Variants in PRKCE observed in about 807,000 individuals in gnomAD.
PRKCE encodes the protein protein kinase C epsilon.
In PRKCE, 16 loss-of-function variants were observed where a neutral mutation model predicts 85.4. The ratio of observed to expected loss-of-function variants is 0.19; its 90% CI spans 0.13 to 0.28. The LOEUF is 0.28. Among genes scored for constraint, PRKCE ranks in the 10% least tolerant of loss-of-function variants. The pLI, the probability that PRKCE is intolerant of heterozygous loss-of-function variation, is 1.00. For missense variants in PRKCE, 573 were observed against 975.2 expected, an observed-to-expected ratio of 0.59 and a Z score of 5.49; for synonymous variants, 388 against 371.5, an observed-to-expected ratio of 1.04 and a Z score of -0.51.
chr2:46,019,904 C>A (rs1706500329), intron 10 of PRKCE, among the ~76,000 whole-genome samples: 1 of 133,820 alleles, frequency 7.5e-6, no homozygotes, highest in Non-Finnish European at 1.5e-5. Context: ...TGCTGGAGTG[C>A]AACGGCGCAA....
chr2:46,053,983 C>G (rs1666321041), intron 10 of PRKCE, among the ~76,000 whole-genome samples: 1 of 152,200 alleles, frequency 6.6e-6, no homozygotes, highest in Non-Finnish European at 1.5e-5. Flanking sequence ...TTCCTACCAA[C>G]AAAAACAGCT....
intron 1 of PRKCE, among the ~76,000 whole-genome samples, chr2:45,835,825 C>T (rs925096690): frequency 6.6e-6 from 1 of 152,042 alleles, no homozygotes; most frequent in African/African-American, 2.4e-5. Flanking sequence ...GAACTCCTGG[C>T]TTGAAGCGAT....
In PRKCE at chr2:45,994,851, G is replaced by C. The variant is rs112692673; in HGVS notation, c.824-6553G>C. ...GGTAATGGTATATTTAGTTTTGTAA[G>C]AAACTGCCAAACTGTCTCTCAAAGT... On this transcript the variant is annotated intron_variant, in intron 6 of 14. Transcript: ENST00000306156. 3.4e-3 allele frequency among the ~76,000 whole-genome samples: 518 copies of C among 152,270 alleles called. 2 individuals carry two copies. The highest frequency in any genetic ancestry group is 0.011 in the African/African-American group (457 of 41,554).
intron 2 of PRKCE, among the ~76,000 whole-genome samples, chr2:45,967,489 C>T (rs1339070365): frequency 1.3e-5 from 2 of 152,118 alleles, no homozygotes; most frequent in African/African-American, 2.4e-5. Context: ...ACCACCCTTG[C>T]GAAGCCTGGT....
Position 45,958,441 on chromosome 2 carries a change from A to G in PRKCE, c.413-17988A>G, listed in dbSNP as rs1333963690. On this transcript the variant is annotated intron_variant, in intron 2 of 14. Coordinates refer to ENST00000306156, the MANE Select transcript of PRKCE (RefSeq NM_005400.3). Reference sequence around the variant, plus strand: ...GGAGAATGGCATGAAACCGGGAGGCAGAGCTTGCAGTGAGCTGAGATCGCA... The same window carrying G: ...GGAGAATGGCATGAAACCGGGAGGCGGAGCTTGCAGTGAGCTGAGATCGCA... Among the ~76,000 whole-genome samples the G allele has an allele frequency of 3.3e-5, 5 of 150,594 alleles. No individual in the cohort carries two copies. The South Asian group carries it at 6.4e-4, about 19-fold the overall frequency.
At chr2:45,849,933 G>T (rs1428403543) in intron 2 of PRKCE, among the ~76,000 whole-genome samples, 1 of 152,114 alleles carries the variant, frequency 6.6e-6, no homozygotes, top group Non-Finnish European at 1.5e-5. Context: ...GAGACCAAGG[G>T]GATCAGCTGG....
intron 1 of PRKCE, chr2:45,677,989 T>C (rs878941488): frequency 1.3e-6 from 1 of 761,728 alleles, no homozygotes; most frequent in Non-Finnish European, 1.6e-6. Flanking sequence ...TGATTTTACA[T>C]GGAGCTGAGG....
intron 1 of PRKCE, among the ~76,000 whole-genome samples, chr2:45,673,267 A>G (rs1031937497): frequency 2.6e-5 from 4 of 152,240 alleles, no homozygotes; most frequent in African/African-American, 9.6e-5. Context: ...GTTCCAAACA[A>G]TATAAGAAGT....
At chr2:45,716,950 C>T (rs1022827396) in intron 1 of PRKCE, among the ~76,000 whole-genome samples, 3 of 152,198 alleles carry the variant, frequency 2.0e-5, no homozygotes, top group Non-Finnish European at 4.4e-5. Flanking sequence ...TGAGAACTCA[C>T]TATCATGAGA....
intron 11 of PRKCE, among the ~76,000 whole-genome samples, chr2:46,140,047 C>T (rs1675361358): frequency 6.6e-6 from 1 of 152,052 alleles, no homozygotes; most frequent in Non-Finnish European, 1.5e-5. Context: ...CTAAGGGACA[C>T]AGATGACATG....
At chr2:45,959,769 G>T (rs1241030794) in intron 2 of PRKCE, among the ~76,000 whole-genome samples, 3 of 152,174 alleles carry the variant, frequency 2.0e-5, no homozygotes, top group African/African-American at 4.8e-5. Flanking sequence ...TCAAAATTCT[G>T]CATGAAACAG....
chr2:46,049,485 G>A (rs560546958), intron 10 of PRKCE, among the ~76,000 whole-genome samples: 2 of 152,316 alleles, frequency 1.3e-5, no homozygotes, highest in Non-Finnish European at 2.9e-5. Context: ...CGCACATCTT[G>A]CAATTAACTG....
intron 2 of PRKCE, among the ~76,000 whole-genome samples, chr2:45,913,610 A>C (rs1231031076): frequency 6.6e-6 from 1 of 152,084 alleles, no homozygotes; most frequent in Non-Finnish European, 1.5e-5. Flanking sequence ...GATCTCTCCA[A>C]CCCTAGTTTT....
At chr2:45,837,799 A>G (rs1327184954) in intron 1 of PRKCE, among the ~76,000 whole-genome samples, 1 of 152,192 alleles carries the variant, frequency 6.6e-6, no homozygotes, top group Non-Finnish European at 1.5e-5. Flanking sequence ...GTTTGGGCCC[A>G]GGAGTTTCAG....
intron 1 of PRKCE, among the ~76,000 whole-genome samples, chr2:45,743,365 C>T (rs1304185738): frequency 2.0e-5 from 3 of 152,000 alleles, no homozygotes; most frequent in African/African-American, 4.8e-5. Flanking sequence ...GCGGTGTACA[C>T]CTTGAATGTA....
intron 2 of PRKCE, among the ~76,000 whole-genome samples, chr2:45,925,271 T>A (rs1439732857): frequency 6.6e-6 from 1 of 152,030 alleles, no homozygotes; most frequent in African/African-American, 2.4e-5. Flanking sequence ...TCATTTCCCC[T>A]TTTCTCTCTA....
chr2:45,775,164 T>C (rs988387883), intron 1 of PRKCE, among the ~76,000 whole-genome samples: 2 of 152,198 alleles, frequency 1.3e-5, no homozygotes, highest in African/African-American at 4.8e-5. Context: ...TCCATGTTTA[T>C]ATCTCATTTG....
chr2:45,773,951 C>T (rs911010307), intron 1 of PRKCE, among the ~76,000 whole-genome samples: 5 of 152,188 alleles, frequency 3.3e-5, no homozygotes, highest in Admixed American at 6.5e-5. Flanking sequence ...CCCTGCTGAG[C>T]GATGCTCTTG....
At chr2:45,842,242 G>A (rs1197906215) in intron 1 of PRKCE, among the ~76,000 whole-genome samples, 2 of 152,116 alleles carry the variant, frequency 1.3e-5, no homozygotes, top group Non-Finnish European at 2.9e-5. Context: ...AGGAAGTGAG[G>A]GTGCCTGTGC....
Sources: allele counts gnomAD v4.1 joint callset (sites outside exome capture counted in the v4.1 genomes callset), GRCh38; gene constraint gnomAD v4.1.1; transcripts MANE v1.5; gene names NCBI Gene and HGNC (gene_info 2026-07-23, HGNC 2026-07-21).